The following MACROD2 variants were observed in gnomAD, a reference collection of about 807,000 sequenced individuals.
The protein encoded by MACROD2 is mono-ADP ribosylhydrolase 2, also known as ADP-ribose glycohydrolase MACROD2.
A neutral mutation model predicts 70.4 loss-of-function variants in MACROD2; 36 were observed. The ratio of observed to expected loss-of-function variants is 0.51; its 90% CI spans 0.39 to 0.68. MACROD2 has a LOEUF of 0.68. Among genes scored for constraint, MACROD2 ranks in the 30% least tolerant of loss-of-function variants. The probability of loss-of-function intolerance (pLI) is 0.00; values close to 1 mark genes in which losing one functional copy is unlikely to be tolerated. For missense variants in MACROD2, 496 were observed against 538.4 expected, an observed-to-expected ratio of 0.92 and a Z score of 0.78; for synonymous variants, 172 against 178.8, an observed-to-expected ratio of 0.96 and a Z score of 0.30.
At position 16,014,443 on chromosome 20, in the gene MACROD2, G is replaced by C. The variant is rs138748067; in HGVS notation, c.1154-26758G>C. Among the ~76,000 whole-genome samples the C allele has an allele frequency of 1.3e-3, 196 of 152,300 alleles. 2 individuals carry two copies. Among genetic ancestry groups the C allele is most frequent in the African/African-American group, 4.5e-3 (186 of 41,576 alleles). ...GAAGAATACCATGCTCCCAAGATTG[G>C]AAGACCCAAGATCATAAATCCACAG... On this transcript the variant is annotated intron_variant, in intron 15 of 17. Transcript: ENST00000684519.
At chr20:14,459,219 TA>T (rs1250597907) in intron 3 of MACROD2, among the ~76,000 whole-genome samples, 1 of 151,928 alleles carries the variant, frequency 6.6e-6, no homozygotes, top group Non-Finnish European at 1.5e-5. Context: ...TGTGATTACT[TA>T]GGGGCTCAAG....
chr20:15,759,616 A>G (rs1359886190), intron 8 of MACROD2, among the ~76,000 whole-genome samples: 1 of 151,948 alleles, frequency 6.6e-6, no homozygotes, highest in Non-Finnish European at 1.5e-5. Context: ...CTTATGTGGG[A>G]CTCTACATGT....
intron 8 of MACROD2, among the ~76,000 whole-genome samples, chr20:15,848,339 G>A (rs2064257275): frequency 6.6e-6 from 1 of 151,942 alleles, no homozygotes; most frequent in Non-Finnish European, 1.5e-5. Flanking sequence ...CCGAAGAGAG[G>A]CCAAAGTCAC....
At chr20:15,834,316 G>A (rs891768081) in intron 8 of MACROD2, among the ~76,000 whole-genome samples, 1 of 152,034 alleles carries the variant, frequency 6.6e-6, no homozygotes, top group African/African-American at 2.4e-5. Flanking sequence ...CTCCCGTCTG[G>A]GCGACAGAGC....
At chr20:14,100,984 G>A (rs2054296943) in intron 3 of MACROD2, among the ~76,000 whole-genome samples, 1 of 150,036 alleles carries the variant, frequency 6.7e-6, no homozygotes, top group South Asian at 2.1e-4. Flanking sequence ...CTGGTTGTTA[G>A]ATTTATTTTA....
intron 7 of MACROD2, among the ~76,000 whole-genome samples, chr20:15,495,055 A>G (rs948293197): frequency 6.6e-6 from 1 of 152,050 alleles, no homozygotes; most frequent in African/African-American, 2.4e-5. Context: ...CTTGGAAGAA[A>G]TTTCCCATGT....
chr20:14,423,755 A>ATTTTTTTTTTTTTTTTTTTTTTTTTT (rs1165796772), intron 3 of MACROD2, among the ~76,000 whole-genome samples: 1 of 63,088 alleles, frequency 1.6e-5, no homozygotes, highest in Non-Finnish European at 2.8e-5. Context: ...GACATCTTAA[A>ATTTTTTTTTTTTTTTTTTTTTTTTTT]TTTTTTTTTT....
At chr20:14,594,790 G>A (rs1047765818) in intron 4 of MACROD2, among the ~76,000 whole-genome samples, 4 of 152,200 alleles carry the variant, frequency 2.6e-5, no homozygotes, top group African/African-American at 9.7e-5. Flanking sequence ...TACTCGGGAT[G>A]CTGAGGCAGG....
intron 5 of MACROD2, among the ~76,000 whole-genome samples, chr20:14,764,833 G>T (rs898384572): frequency 2.0e-5 from 3 of 152,052 alleles, no homozygotes; most frequent in African/African-American, 4.8e-5. Flanking sequence ...TTGTATTTTT[G>T]ATATTTATTT....
intron 3 of MACROD2, among the ~76,000 whole-genome samples, chr20:14,317,953 G>A (rs964720458): frequency 2.0e-5 from 3 of 152,144 alleles, no homozygotes; most frequent in Non-Finnish European, 4.4e-5. Context: ...CACTTATTAA[G>A]CCCACTGTAT....
At chr20:14,862,289 T>TAA (rs2073350652) in intron 5 of MACROD2, among the ~76,000 whole-genome samples, 3 of 14,296 alleles carry the variant, frequency 2.1e-4, no homozygotes, top group Non-Finnish European at 2.4e-4. Context: ...TTATATATAT[T>TAA]TATATAAATA....
intron 5 of MACROD2, among the ~76,000 whole-genome samples, chr20:15,177,840 G>C (rs1389182321): frequency 6.6e-6 from 1 of 152,038 alleles, no homozygotes; most frequent in African/African-American, 2.4e-5. Context: ...TTGGTGTCAT[G>C]GCTATTATTT....
intron 8 of MACROD2, among the ~76,000 whole-genome samples, chr20:15,551,735 G>C (rs1020667716): frequency 1.3e-5 from 2 of 152,044 alleles, no homozygotes; most frequent in Non-Finnish European, 2.9e-5. Context: ...GGATGTGATG[G>C]TGTGGGCCTG....
intron 3 of MACROD2, among the ~76,000 whole-genome samples, chr20:14,476,149 T>C (rs897412915): frequency 4.6e-5 from 7 of 152,152 alleles, no homozygotes; most frequent in African/African-American, 1.7e-4. Flanking sequence ...ATTAGAAATA[T>C]TGTCTTTATA....
intron 8 of MACROD2, among the ~76,000 whole-genome samples, chr20:15,626,861 C>T (rs2049210231): frequency 6.6e-6 from 1 of 151,480 alleles, no homozygotes; most frequent in Admixed American, 6.6e-5. Context: ...TACCCCACCC[C>T]CCCAAAAAAA....
chr20:15,610,048 A>G (rs1210859247), intron 8 of MACROD2, among the ~76,000 whole-genome samples: 2 of 152,224 alleles, frequency 1.3e-5, no homozygotes, highest in Non-Finnish European at 2.9e-5. Flanking sequence ...CACTCCTGGA[A>G]ATAGCTGAAG....
At chr20:15,960,489 C>T (rs920611775) in intron 12 of MACROD2, among the ~76,000 whole-genome samples, 9 of 152,086 alleles carry the variant, frequency 5.9e-5, no homozygotes, top group Admixed American at 4.6e-4. Flanking sequence ...AAAAGCAAAT[C>T]GGGGACAAGA....
intron 5 of MACROD2, among the ~76,000 whole-genome samples, chr20:15,228,568 CA>C (rs1407589831): frequency 6.9e-6 from 1 of 144,988 alleles, no homozygotes; most frequent in East Asian, 2.0e-4. Context: ...CGGCTCACTG[CA>C]AGCTCCGACT....
At chr20:14,092,662 A>C (rs904300376) in intron 3 of MACROD2, among the ~76,000 whole-genome samples, 10 of 152,186 alleles carry the variant, frequency 6.6e-5, no homozygotes, top group Non-Finnish European at 1.5e-4. Flanking sequence ...CAAATTATTC[A>C]ACCCTTTAAT....
Sources: allele counts gnomAD v4.1 joint callset (sites outside exome capture counted in the v4.1 genomes callset), GRCh38; gene constraint gnomAD v4.1.1; transcripts MANE v1.5; gene names NCBI Gene and HGNC (gene_info 2026-07-23, HGNC 2026-07-21).